TMCC1: variants seen among roughly 807,000 people sequenced by gnomAD.
The protein encoded by TMCC1 is transmembrane and coiled-coil domain family 1, also known as transmembrane and coiled-coil domains protein 1.
Under a neutral mutation model 52.4 loss-of-function variants are expected in TMCC1, and 15 were observed. That is an observed-to-expected ratio of 0.29 (90% CI 0.19 to 0.44). TMCC1 has a LOEUF of 0.44. TMCC1 is among the 20% of genes least tolerant of loss of function. The pLI, the probability that TMCC1 is intolerant of heterozygous loss-of-function variation, is 1.00. For missense variants in TMCC1, 503 were observed against 806.0 expected, an observed-to-expected ratio of 0.62 and a Z score of 4.55; for synonymous variants, 279 against 301.9, an observed-to-expected ratio of 0.92 and a Z score of 0.79.
chr3:129,713,970 C>T (rs879920683), intron 4 of TMCC1, among the ~76,000 whole-genome samples: 7 of 152,048 alleles, frequency 4.6e-5, no homozygotes, highest in Non-Finnish European at 7.4e-5. Flanking sequence ...TTCTGAACAC[C>T]TCATCTCTAG....
chr3:129,879,666 T>C (rs1439133491), intron 2 of TMCC1, among the ~76,000 whole-genome samples: 4 of 152,202 alleles, frequency 2.6e-5, no homozygotes, highest in Non-Finnish European at 4.4e-5. Context: ...AGCATGGAAG[T>C]AATAATGTCA....
intron 4 of TMCC1, among the ~76,000 whole-genome samples, chr3:129,738,827 G>A (rs920195401): frequency 6.6e-6 from 1 of 150,700 alleles, no homozygotes; most frequent in African/African-American, 2.4e-5. Flanking sequence ...TCTTTTTTTT[G>A]TTTTTGTTTG....
Position 129,868,176 on chromosome 3 carries a change from A to C in TMCC1, c.-184+12133T>G, listed in dbSNP as rs185186211. Among the ~76,000 whole-genome samples, 4 of 152,310 alleles carry C rather than the reference A, an allele frequency of 2.6e-5. No homozygotes were observed. In the East Asian group the frequency reaches 7.7e-4, roughly 29 times the overall value. On this transcript the variant is annotated intron_variant, in intron 2 of 6. Coordinates refer to ENST00000393238, the MANE Select transcript of TMCC1 (RefSeq NM_001017395.5). ...CAAGCAGGAAAGAATTTGGAATTCC[A>C]AACAATTTACTCTTCCTTTTCTGGC...
chr3:129,731,847 ACT>A (rs2107616383), intron 4 of TMCC1, among the ~76,000 whole-genome samples: 1 of 151,426 alleles, frequency 6.6e-6, no homozygotes, highest in South Asian at 2.1e-4. Context: ...CTGGTCTTGA[ACT>A]CCTGAGCTTA....
intron 2 of TMCC1, among the ~76,000 whole-genome samples, chr3:129,863,051 T>C (rs1295074850): frequency 6.6e-6 from 1 of 152,210 alleles, no homozygotes; most frequent in East Asian, 1.9e-4. Flanking sequence ...GTCTTCTCCA[T>C]ATGAATAATA....
chr3:129,724,872 A>G (rs746795691), intron 4 of TMCC1, among the ~76,000 whole-genome samples: 1 of 152,226 alleles, frequency 6.6e-6, no homozygotes, highest in African/African-American at 2.4e-5. Flanking sequence ...ACTGTACTAC[A>G]GCACTAATGG....
In TMCC1 at chr3:129,753,841, G is replaced by C. The variant is rs374479545; in HGVS notation, c.576+73962C>G. On this transcript the variant is annotated intron_variant, in intron 4 of 6. Coordinates refer to ENST00000393238, the MANE Select transcript of TMCC1 (RefSeq NM_001017395.5). ...TATTTAACAACACGAAGTACTAACTGGTGCAATAAGGCAGGAAAAATAAAT... is the reference window on the plus strand; with the variant it reads ...TATTTAACAACACGAAGTACTAACTCGTGCAATAAGGCAGGAAAAATAAAT... Among the ~76,000 whole-genome samples the C allele has an allele frequency of 4.6e-5, 7 of 151,842 alleles. No individual in the cohort carries two copies. The East Asian group carries it at 1.4e-3, about 29-fold the overall frequency.
chr3:129,855,634 T>C (rs971844156), intron 2 of TMCC1, among the ~76,000 whole-genome samples: 1 of 152,146 alleles, frequency 6.6e-6, no homozygotes, highest in Non-Finnish European at 1.5e-5. Flanking sequence ...ATTCACAAAA[T>C]TCTTGGATAG....
At chr3:129,773,510 C>T (rs2054780678) in intron 4 of TMCC1, among the ~76,000 whole-genome samples, 1 of 151,924 alleles carries the variant, frequency 6.6e-6, no homozygotes, top group Non-Finnish European at 1.5e-5. Context: ...TGTAAATGCT[C>T]TATTTAATTT....
chr3:129,890,451 T>C (rs2061913796), intron 1 of TMCC1, among the ~76,000 whole-genome samples: 1 of 152,250 alleles, frequency 6.6e-6, no homozygotes, highest in South Asian at 2.1e-4. Context: ...TCTGCAAATG[T>C]TTACTGACTA....
intron 2 of TMCC1, among the ~76,000 whole-genome samples, chr3:129,842,761 A>G (rs1449384329): frequency 6.6e-6 from 1 of 152,220 alleles, no homozygotes. Flanking sequence ...GTGCCTCCAA[A>G]TATGTGGATA....
chr3:129,711,999 C>G (rs2048729403), intron 4 of TMCC1, among the ~76,000 whole-genome samples: 1 of 22,326 alleles, frequency 4.5e-5, no homozygotes, highest in Non-Finnish European at 6.9e-5. Flanking sequence ...GAGACTCTGT[C>G]TCAAAAAAAA....
intron 2 of TMCC1, among the ~76,000 whole-genome samples, chr3:129,877,242 C>T (rs1413351914): frequency 2.6e-5 from 4 of 152,214 alleles, no homozygotes; most frequent in Non-Finnish European, 5.9e-5. Context: ...ATAACTGCCA[C>T]ATTGTTAAAT....
intron 4 of TMCC1, among the ~76,000 whole-genome samples, chr3:129,806,378 C>T (rs940127306): frequency 6.6e-6 from 1 of 152,188 alleles, no homozygotes; most frequent in African/African-American, 2.4e-5. Context: ...AATTTCAGTC[C>T]TCTTCCACCT....
At chr3:129,792,180 A>G (rs927744434) in intron 4 of TMCC1, among the ~76,000 whole-genome samples, 2 of 149,014 alleles carry the variant, frequency 1.3e-5, no homozygotes, top group African/African-American at 4.9e-5. Flanking sequence ...AACTGTATAT[A>G]TATATATACA....
chr3:129,876,944 G>A (rs942264825), intron 2 of TMCC1, among the ~76,000 whole-genome samples: 1 of 152,100 alleles, frequency 6.6e-6, no homozygotes, highest in African/African-American at 2.4e-5. Context: ...ACAACAGAGC[G>A]AGACTCCATC....
chr3:129,884,064 C>T (rs1025054077), intron 1 of TMCC1, among the ~76,000 whole-genome samples: 2 of 151,822 alleles, frequency 1.3e-5, no homozygotes, highest in Non-Finnish European at 2.9e-5. Context: ...AAAACAGTTT[C>T]GAAAACTAAA....
At chr3:129,704,827 A>G (rs1371366976) in intron 4 of TMCC1, among the ~76,000 whole-genome samples, 1 of 152,202 alleles carries the variant, frequency 6.6e-6, no homozygotes. Flanking sequence ...AAGAATCTGT[A>G]CTGACCTGAA....
intron 4 of TMCC1, among the ~76,000 whole-genome samples, chr3:129,770,602 T>TAAATGAAATGAAATG (rs545957104): frequency 7.5e-6 from 1 of 132,712 alleles, no homozygotes; most frequent in South Asian, 2.5e-4. Flanking sequence ...TAAAATAAAA[T>TAAATGAAATGAAATG]AAATGAAATG....
Sources: gnomAD v4.1 joint callset for allele counts (sites outside exome capture counted in the v4.1 genomes callset) on GRCh38, gnomAD v4.1.1 for gene constraint, MANE v1.5 for transcripts, NCBI Gene and HGNC (gene_info 2026-07-23, HGNC 2026-07-21) for gene names.